MYO9B: variants seen among roughly 807,000 people sequenced by gnomAD.
MYO9B encodes the protein unconventional myosin-IXb.
Under a neutral mutation model 229.5 loss-of-function variants are expected in MYO9B, and 71 were observed. That is an observed-to-expected ratio of 0.31 (90% CI 0.26 to 0.38). The LOEUF is 0.38. Among genes scored for constraint, MYO9B ranks in the 10% least tolerant of loss-of-function variants. The pLI, the probability that MYO9B is intolerant of heterozygous loss-of-function variation, is 1.00. For missense variants in MYO9B, 2,255 were observed against 2,920.5 expected (o/e 0.77, Z 5.25); for synonymous variants, 1,185 against 1,235.8 (o/e 0.96, Z 0.86).
chr19:17,155,084 G>A (rs1279943616), intron 6 of MYO9B, among the ~76,000 whole-genome samples: 1 of 152,174 alleles, frequency 6.6e-6, no homozygotes, highest in Non-Finnish European at 1.5e-5. Context: ...AGTGAGCTAG[G>A]ATTGTACCGC....
Position 17,144,620 on chromosome 19 carries a change from GA to G in MYO9B, c.841-773del, listed in dbSNP as rs538822141. 3.0e-3 allele frequency among the ~76,000 whole-genome samples: 461 copies of G among 151,586 alleles called. 1 individual carries two copies. Among genetic ancestry groups the G allele is most frequent in the African/African-American group, 0.01 (433 of 41,336 alleles). Reference sequence around the variant, plus strand: ...TCAAACAAAAAAAAAAAGAGTGAAAGAAAATGGGCTACTCTCTGCTTACTGG... The same window carrying G: ...TCAAACAAAAAAAAAAAGAGTGAAAGAAATGGGCTACTCTCTGCTTACTGG... On this transcript the variant is annotated intron_variant, in intron 2 of 39. Transcript: ENST00000682292.
intron 1 of MYO9B, among the ~76,000 whole-genome samples, chr19:17,097,585 GA>G (rs2057705086): frequency 1.3e-5 from 2 of 152,140 alleles, no homozygotes; most frequent in South Asian, 4.1e-4. Flanking sequence ...TAACCTGGGG[GA>G]AAGTTTTAAG....
intron 1 of MYO9B, among the ~76,000 whole-genome samples, chr19:17,095,230 CAAAAA>C (rs555897080): frequency 6.6e-6 from 1 of 151,108 alleles, no homozygotes; most frequent in Non-Finnish European, 1.5e-5. Context: ...GACTGTGTCT[CAAAAA>C]AGAAAAAAAA....
chr19:17,089,415 CAT>C (rs1481363138), intron 1 of MYO9B, among the ~76,000 whole-genome samples: 1 of 152,204 alleles, frequency 6.6e-6, no homozygotes, highest in Non-Finnish European at 1.5e-5. Flanking sequence ...ATCCTATAAA[CAT>C]GTGGCTTCAA....
chr19:17,172,992 G>C lies in MYO9B; in HGVS notation c.2140+29G>C. 1 of 1,592,476 alleles carries C rather than the reference G, an allele frequency of 6.3e-7. No individual in the cohort carries two copies. Among genetic ancestry groups the C allele is most frequent in the Non-Finnish European group, 8.5e-7 (1 of 1,176,262 alleles). ...GGAGCTGGGGCGTGAACCCACAAAAGCGTCACTGTCGAGAGGGGGGCACAT... is the reference window on the plus strand; with the variant it reads ...GGAGCTGGGGCGTGAACCCACAAAACCGTCACTGTCGAGAGGGGGGCACAT... On this transcript the variant is annotated intron_variant, in intron 13 of 39. Coordinates refer to ENST00000682292, the MANE Select transcript of MYO9B (RefSeq NM_004145.4). This position sits in a 1 kb window ranked among gnomAD's most constrained non-coding sequence, Gnocchi z 8.2.
intron 3 of MYO9B, among the ~76,000 whole-genome samples, chr19:17,149,975 G>T (rs546617821): frequency 4.5e-4 from 68 of 152,338 alleles, no homozygotes; most frequent in African/African-American, 1.6e-3. Context: ...ATGCAGGAAG[G>T]TGCTGAAACT....
chr19:17,131,450 G>A (rs894508129), intron 2 of MYO9B, among the ~76,000 whole-genome samples: 1 of 152,098 alleles, frequency 6.6e-6, no homozygotes, highest in Non-Finnish European at 1.5e-5. Context: ...TGTATTTTTC[G>A]TAGAGACAGG....
chr19:17,199,740 C>T (rs1392863719), intron 24 of MYO9B, among the ~76,000 whole-genome samples: 1 of 129,766 alleles, frequency 7.7e-6, no homozygotes, highest in Non-Finnish European at 1.6e-5. Context: ...GAAGGGGTTT[C>T]GCTATGTTGC....
Position 17,194,758 on chromosome 19 carries a change from C to T in MYO9B, c.3331C>T (p.Leu1111=). The T allele has an allele frequency of 1.2e-6, 2 of 1,613,172 alleles. No homozygotes were observed. The highest frequency in any genetic ancestry group is 1.7e-6 in the Non-Finnish European group (2 of 1,179,848). The change falls in exon 22 of 40, where the codon CTA becomes TTA. Residue 1111 remains leucine, a synonymous_variant. Transcript: ENST00000682292. ...GGTGCAGCCAAGTGACAGGTCCCCC[C>T]TAGAGCACTCCTCACCTGAGAAGGA... The part of the protein sequence containing the change: ...PEVQPSDRSP[L]EHSSPEKEAP...
chr19:17,195,507 G>C lies in MYO9B; in HGVS notation c.4046+34G>C, dbSNP rs2073033296. The C allele has an allele frequency of 6.4e-7, 1 of 1,554,982 alleles. No homozygotes were observed. ...CACACCCTCTTTTGTCTGAGCACCAGGGTCCAGGCCAGGTGGGCAAGGCCA... is the reference window on the plus strand; with the variant it reads ...CACACCCTCTTTTGTCTGAGCACCACGGTCCAGGCCAGGTGGGCAAGGCCA... On this transcript the variant is annotated intron_variant, in intron 22 of 39. Coordinates refer to ENST00000682292, the MANE Select transcript of MYO9B (RefSeq NM_004145.4). This position sits in a 1 kb window ranked among gnomAD's most constrained non-coding sequence, Gnocchi z 4.5.
intron 17 of MYO9B, 65 bp downstream of exon 17, chr19:17,185,052 C>G: frequency 6.2e-7 from 1 of 1,606,310 alleles, no homozygotes; most frequent in South Asian, 1.1e-5. Flanking sequence ...TAGCTTCACC[C>G]GACACCGAGC....
chr19:17,095,157 C>T (rs1397068644), intron 1 of MYO9B, among the ~76,000 whole-genome samples: 2 of 152,036 alleles, frequency 1.3e-5, no homozygotes, highest in African/African-American at 2.4e-5. Context: ...GCAGGAGAAT[C>T]GCTTGAACCC....
intron 1 of MYO9B, among the ~76,000 whole-genome samples, chr19:17,100,116 T>TC (rs2057730905): frequency 7.1e-6 from 1 of 140,250 alleles, no homozygotes; most frequent in Non-Finnish European, 1.6e-5. Flanking sequence ...AGAGCGAAAC[T>TC]CCATCTCAAA....
At chr19:17,171,534 G>A (rs2072724832) in intron 11 of MYO9B, among the ~76,000 whole-genome samples, 1 of 152,158 alleles carries the variant, frequency 6.6e-6, no homozygotes, top group South Asian at 2.1e-4. Context: ...CCTCCCAGGG[G>A]ACAGACTTTG....
chr19:17,136,754 C>T (rs550349778), intron 2 of MYO9B, among the ~76,000 whole-genome samples: 2 of 152,178 alleles, frequency 1.3e-5, no homozygotes, highest in East Asian at 3.9e-4. Flanking sequence ...GCCCACCGAC[C>T]AGCCCCCTGG....
chr19:17,107,394 A>G (rs928908136), intron 2 of MYO9B, among the ~76,000 whole-genome samples: 1 of 152,228 alleles, frequency 6.6e-6, no homozygotes, highest in African/African-American at 2.4e-5. Context: ...TGGCACGGCC[A>G]GGAGGCAGGA....
Position 17,172,228 on chromosome 19 carries a change from A to AC in MYO9B, c.1794-104dup. The AC allele has an allele frequency of 1.6e-6, 2 of 1,214,854 alleles. No homozygotes were observed. The highest frequency in any genetic ancestry group is 2.3e-6 in the Non-Finnish European group (2 of 880,606). The allele number at this position is 1,214,854 out of a possible 1,614,324, so 75.3% of individuals were successfully genotyped here. A position where few individuals can be genotyped will look rare whatever the true frequency, so the allele number is the denominator to read the frequency against. ...CCTGTGCCACTTCACTGCTCTGCCC[A>AC]CCCCATGCACCCACCCACCTCGTGC... On this transcript the variant is annotated intron_variant, in intron 11 of 39. Transcript: ENST00000682292. This position sits in a 1 kb window ranked among gnomAD's most constrained non-coding sequence, Gnocchi z 8.2.
chr19:17,130,665 T>G (rs1322158129), intron 2 of MYO9B, among the ~76,000 whole-genome samples: 1 of 150,180 alleles, frequency 6.7e-6, no homozygotes, highest in African/African-American at 2.5e-5. Context: ...ACACCTGTAC[T>G]CCCCACTACT....
chr19:17,137,661 A>G (rs1380563732), intron 2 of MYO9B, among the ~76,000 whole-genome samples: 1 of 152,186 alleles, frequency 6.6e-6, no homozygotes, highest in Non-Finnish European at 1.5e-5. Context: ...AGCCACAGCA[A>G]CTGTCCGGGC....
Sources: gnomAD v4.1 joint callset for allele counts (sites outside exome capture counted in the v4.1 genomes callset) on GRCh38, gnomAD v4.1.1 for gene constraint, Gnocchi (gnomAD v3.1) non-coding constraint, MANE v1.5 for transcripts, NCBI Gene and HGNC (gene_info 2026-07-23, HGNC 2026-07-21) for gene names.